PLB1: variants seen among roughly 807,000 people sequenced by gnomAD.
PLB1 encodes the protein phospholipase B1, also known as phospholipase B1, membrane-associated.
PLB1 carries 242 observed loss-of-function variants against 227.4 expected under a neutral mutation model. That is an observed-to-expected ratio of 1.06 (90% CI 0.96 to 1.18). The LOEUF is 1.18. Ranked by LOEUF, PLB1 falls within the 50% of genes most tolerant of loss-of-function variation. The pLI is 0.00. For missense variants in PLB1, 1,858 were observed against 1,816.3 expected, an observed-to-expected ratio of 1.02 and a Z score of -0.42; for synonymous variants, 757 against 682.2, an observed-to-expected ratio of 1.11 and a Z score of -1.71.
chr2:28,601,516 C>A (rs1023740927), intron 37 of PLB1, among the ~76,000 whole-genome samples, 184 bp downstream of exon 37: 1 of 151,012 alleles, frequency 6.6e-6, no homozygotes, highest in African/African-American at 2.5e-5. Flanking sequence ...ACCCCACCAC[C>A]CTCCAGGTCC....
At chr2:28,555,046 C>T (rs188999609) in intron 17 of PLB1, among the ~76,000 whole-genome samples, 4 of 152,056 alleles carry the variant, frequency 2.6e-5, no homozygotes, top group Admixed American at 2.6e-4. Context: ...GTTGGGCCTG[C>T]ACTTCTGAGT....
intron 56 of PLB1, among the ~76,000 whole-genome samples, chr2:28,638,931 C>A (rs1172776469): frequency 1.3e-5 from 2 of 151,140 alleles, no homozygotes; most frequent in African/African-American, 2.4e-5. Flanking sequence ...GGCGTGGTGG[C>A]ATGCACCTGT....
At position 28,620,751 on chromosome 2, in the gene PLB1, G is replaced by C. The variant is rs1686927995; in HGVS notation, c.3427+108G>C. ...AGGTTATCTGCAAGAAGGGAAGTCA[G>C]CCAGCCCTGAAAAGCCCCAGAACTC... On this transcript the variant is annotated intron_variant, in intron 48 of 57. Transcript: ENST00000327757. 9.1e-5 allele frequency: 142 copies of C among 1,551,936 alleles called. 2 individuals carry two copies. The South Asian group carries it at 1.5e-3, about 16-fold the overall frequency.
At chr2:28,597,410 CCTA>C (rs35943571) in intron 33 of PLB1, among the ~76,000 whole-genome samples, 10,896 of 152,064 alleles carry the variant, frequency 0.072, 554 homozygotes, top group Non-Finnish European at 0.11. Context: ...TTCTGTGTGT[CCTA>C]CTCAATTTAT....
chr2:28,511,539 A>G (rs1668258132), intron 1 of PLB1, among the ~76,000 whole-genome samples: 1 of 152,008 alleles, frequency 6.6e-6, no homozygotes, highest in African/African-American at 2.4e-5. Flanking sequence ...TTTGCCTTCC[A>G]TTGTTGCTGT....
chr2:28,531,194 T>C (rs1183412182), intron 8 of PLB1, among the ~76,000 whole-genome samples: 2 of 152,244 alleles, frequency 1.3e-5, no homozygotes, highest in African/African-American at 4.8e-5. Flanking sequence ...AAGATAATTA[T>C]GGTTAATAAC....
chr2:28,603,911 A>G, intron 39 of PLB1, 55 bp from the exon 40 acceptor site: 1 of 1,527,380 alleles, frequency 6.5e-7, no homozygotes, highest in South Asian at 1.1e-5. Flanking sequence ...AATCAGAACC[A>G]GCCCCTGATG....
At chr2:28,501,150 CTTTAA>C (rs1052645831) in intron 1 of PLB1, among the ~76,000 whole-genome samples, 3 of 152,150 alleles carry the variant, frequency 2.0e-5, no homozygotes, top group African/African-American at 7.2e-5. Flanking sequence ...ATAAAGTTAT[CTTTAA>C]TTTAGGTAGA....
chr2:28,587,198 A>G (rs76525445), intron 26 of PLB1, among the ~76,000 whole-genome samples: 246 of 152,316 alleles, frequency 1.6e-3, no homozygotes, highest in African/African-American at 5.8e-3. Context: ...AAGTTCATGC[A>G]GTTTCTGGCT....
At chr2:28,511,411 C>A (rs1668243886) in intron 1 of PLB1, among the ~76,000 whole-genome samples, 1 of 152,046 alleles carries the variant, frequency 6.6e-6, no homozygotes, top group South Asian at 2.1e-4. Flanking sequence ...GTTGGCTGGT[C>A]TCCAGTTTGT....
chr2:28,601,808 AG>A, intron 37 of PLB1, 90 bp from the exon 38 acceptor site: 2 of 1,127,058 alleles, frequency 1.8e-6, no homozygotes, highest in Middle Eastern at 1.9e-4. Context: ...ACAAGTCCTC[AG>A]GGCTGGAGCC....
intron 51 of PLB1, among the ~76,000 whole-genome samples, chr2:28,628,163 G>A (rs1342056892): frequency 6.6e-6 from 1 of 152,204 alleles, no homozygotes; most frequent in African/African-American, 2.4e-5. Context: ...CAGGCAGTGG[G>A]ACCAGCATGG....
intron 4 of PLB1, among the ~76,000 whole-genome samples, 184 bp from the exon 5 acceptor site, chr2:28,525,083 A>G (rs1163398748): frequency 6.6e-6 from 1 of 151,974 alleles, no homozygotes; most frequent in African/African-American, 2.4e-5. Flanking sequence ...TCTTGATCTC[A>G]CGTGATCCTC....
intron 17 of PLB1, among the ~76,000 whole-genome samples, chr2:28,558,594 A>C (rs1056128161): frequency 6.6e-6 from 1 of 152,170 alleles, no homozygotes; most frequent in African/African-American, 2.4e-5. Flanking sequence ...TTCTAACCAC[A>C]TGGTGTAGCT....
At chr2:28,632,781 A>C (rs1412934180) in intron 55 of PLB1, among the ~76,000 whole-genome samples, 163 bp from the exon 56 acceptor site, 3 of 147,942 alleles carry the variant, frequency 2.0e-5, no homozygotes, top group African/African-American at 8.0e-5. Flanking sequence ...AGAAAAAAAG[A>C]AATTCTAAAT....
intron 20 of PLB1, among the ~76,000 whole-genome samples, chr2:28,569,109 G>C (rs2148249408): frequency 6.6e-6 from 1 of 152,348 alleles, no homozygotes; most frequent in East Asian, 1.9e-4. Flanking sequence ...CTGCAGCAGT[G>C]CTGGGTTCTA....
chr2:28,552,816 C>A, intron 16 of PLB1, 112 bp from the exon 17 acceptor site: 1 of 848,322 alleles, frequency 1.2e-6, no homozygotes. Context: ...TAAATGACAT[C>A]AAAGTTTTAC....
Position 28,643,367 on chromosome 2 carries a change from C to T in PLB1, c.*306C>T, listed in dbSNP as rs201388106. 4.0e-6 allele frequency: 1 copy of T among 251,538 alleles called. No individual in the cohort carries two copies. Among genetic ancestry groups the T allele is most frequent in the Non-Finnish European group, 7.6e-6 (1 of 132,274 alleles). 15.6% of individuals were successfully genotyped at this position (251,538 alleles called of 1,614,324 possible). A position where few individuals can be genotyped will look rare whatever the true frequency, so the allele number is the denominator to read the frequency against. On this transcript the variant is annotated 3_prime_UTR_variant, in exon 58 of 58. Transcript: ENST00000327757. ...GTGGCCTGCCTCCAGCAGGGCTGCC[C>T]AAGCCACGACCAACCAGAGCCCAAA...
intron 29 of PLB1, 136 bp downstream of exon 29, chr2:28,590,212 A>C: frequency 4.0e-6 from 3 of 752,586 alleles, no homozygotes; most frequent in Non-Finnish European, 6.8e-6. Flanking sequence ...ACTGCCCCAA[A>C]TGCCCCATCT....
Sources: gnomAD v4.1 joint callset for allele counts (sites outside exome capture counted in the v4.1 genomes callset) on GRCh38, gnomAD v4.1.1 for gene constraint, MANE v1.5 for transcripts, NCBI Gene and HGNC (gene_info 2026-07-23, HGNC 2026-07-21) for gene names.